Variants in INPP4B observed in about 807,000 individuals in gnomAD.
The protein encoded by INPP4B is inositol polyphosphate-4-phosphatase type II B, also known as inositol polyphosphate 4-phosphatase type II.
Under a neutral mutation model 122.5 loss-of-function variants are expected in INPP4B, and 55 were observed. The ratio of observed to expected loss-of-function variants is 0.45; its 90% CI spans 0.36 to 0.56. The LOEUF (loss-of-function observed/expected upper bound fraction) is 0.56. Among genes scored for constraint, INPP4B ranks in the 20% least tolerant of loss-of-function variants. INPP4B has a pLI of 0.00. For synonymous variants in INPP4B, 403 were observed against 388.7 expected, an observed-to-expected ratio of 1.04 and a Z score of -0.43; for missense variants, 1,000 against 1,097.7, an observed-to-expected ratio of 0.91 and a Z score of 1.26.
intron 11 of INPP4B, among the ~76,000 whole-genome samples, chr4:142,249,282 C>G (rs1272702216): frequency 6.6e-6 from 1 of 152,018 alleles, no homozygotes; most frequent in Non-Finnish European, 1.5e-5. Context: ...GAAACTTTCT[C>G]ACAGGGTCTA....
At chr4:142,351,609 A>G (rs1308762755) in intron 7 of INPP4B, among the ~76,000 whole-genome samples, 1 of 151,990 alleles carries the variant, frequency 6.6e-6, no homozygotes, top group African/African-American at 2.4e-5. Flanking sequence ...CACCTTTTCC[A>G]TAGAAACTAC....
At chr4:142,374,042 G>A (rs968356265) in intron 7 of INPP4B, among the ~76,000 whole-genome samples, 1 of 151,934 alleles carries the variant, frequency 6.6e-6, no homozygotes, top group Non-Finnish European at 1.5e-5. Context: ...GAGAAAAGGA[G>A]TGTGAATGAA....
chr4:142,665,732 TAATA>T (rs1170225963), intron 2 of INPP4B, among the ~76,000 whole-genome samples: 1 of 152,050 alleles, frequency 6.6e-6, no homozygotes, highest in Non-Finnish European at 1.5e-5. Flanking sequence ...CAGATTTTAT[TAATA>T]AAAAAGCACC....
intron 7 of INPP4B, among the ~76,000 whole-genome samples, chr4:142,343,190 T>C (rs1291158012): frequency 6.6e-6 from 1 of 152,138 alleles, no homozygotes; most frequent in Non-Finnish European, 1.5e-5. Context: ...TTAGAAGACA[T>C]TTGAATATTA....
intron 11 of INPP4B, among the ~76,000 whole-genome samples, chr4:142,245,606 G>A (rs1056137665): frequency 7.2e-5 from 11 of 151,992 alleles, no homozygotes; most frequent in Admixed American, 2.0e-4. Flanking sequence ...CTCATAAAAT[G>A]AGTTATGGAG....
intron 7 of INPP4B, among the ~76,000 whole-genome samples, chr4:142,390,978 A>G (rs1430902577): frequency 1.3e-5 from 2 of 152,208 alleles, no homozygotes; most frequent in South Asian, 2.1e-4. Flanking sequence ...TTAAATTCAT[A>G]TCATTTGGAC....
chr4:142,534,257 T>TG (rs1280504181), intron 2 of INPP4B, among the ~76,000 whole-genome samples: 1 of 152,068 alleles, frequency 6.6e-6, no homozygotes, highest in Non-Finnish European at 1.5e-5. Flanking sequence ...TGTGCTATGG[T>TG]GGTGTTATGG....
chr4:142,708,915 T>C (rs758931669), intron 2 of INPP4B, among the ~76,000 whole-genome samples: 1 of 152,090 alleles, frequency 6.6e-6, no homozygotes, highest in Non-Finnish European at 1.5e-5. Context: ...AGCCACTCAA[T>C]ACCAGCCTGT....
chr4:142,102,383 T>C (rs1330662620), intron 23 of INPP4B, among the ~76,000 whole-genome samples: 2 of 151,720 alleles, frequency 1.3e-5, no homozygotes, highest in Non-Finnish European at 2.9e-5. Context: ...ATAATTATTC[T>C]AAAAGAATTT....
chr4:142,618,854 A>T (rs1322933517), intron 2 of INPP4B, among the ~76,000 whole-genome samples: 1 of 151,944 alleles, frequency 6.6e-6, no homozygotes, highest in African/African-American at 2.4e-5. Context: ...TATCTAAAAT[A>T]GATCCTTCAA....
rs535085132 is a variant in INPP4B, at chr4:142,035,300, T to A, written c.2643-6386A>T. Among the ~76,000 whole-genome samples the A allele has an allele frequency of 3.3e-5, 5 of 152,282 alleles. No homozygotes were observed. The South Asian group carries it at 1.0e-3, about 32-fold the overall frequency. On this transcript the variant is annotated intron_variant, in intron 25 of 25. Transcript: ENST00000262992. ...TCTTGGAAAGTGAGGTTAGGATGAA[T>A]GAGATCGTCCCAACGTAGGTGCACA...
At chr4:142,697,425 C>T (rs534734453) in intron 2 of INPP4B, among the ~76,000 whole-genome samples, 12 of 152,208 alleles carry the variant, frequency 7.9e-5, no homozygotes, top group South Asian at 2.1e-4. Flanking sequence ...AATACTCTAA[C>T]GAAATAGGTA....
chr4:142,519,531 A>C (rs1018585831), intron 2 of INPP4B, among the ~76,000 whole-genome samples: 1 of 152,156 alleles, frequency 6.6e-6, no homozygotes, highest in Non-Finnish European at 1.5e-5. Context: ...AATGAGTTAC[A>C]CAGTTAAGAG....
chr4:142,669,212 G>T (rs905028045), intron 2 of INPP4B, among the ~76,000 whole-genome samples: 1 of 152,076 alleles, frequency 6.6e-6, no homozygotes, highest in African/African-American at 2.4e-5. Context: ...TTGATTGGAA[G>T]AATTAACATT....
rs377519980 is a variant in INPP4B, at chr4:142,312,571, G to A, written c.423+2141C>T. On this transcript the variant is annotated intron_variant, in intron 8 of 25. Transcript: ENST00000262992. ...GGATCAGCAGAGAGATGGCTGAGCC[G>A]AAACAGGAAACCACACAATGGAACA... Among the ~76,000 whole-genome samples, 12 of 152,290 alleles carry A rather than the reference G, an allele frequency of 7.9e-5. No individual in the cohort carries two copies. In the South Asian group the frequency reaches 1.2e-3, roughly 16 times the overall value.
intron 17 of INPP4B, among the ~76,000 whole-genome samples, chr4:142,156,564 G>C (rs1344983072): frequency 1.3e-5 from 2 of 152,060 alleles, no homozygotes; most frequent in Admixed American, 1.3e-4. Context: ...TTGTTTACTA[G>C]CTTTTCAGGA....
intron 2 of INPP4B, among the ~76,000 whole-genome samples, chr4:142,682,878 T>C (rs1758833165): frequency 6.6e-6 from 1 of 151,930 alleles, no homozygotes; most frequent in Admixed American, 6.6e-5. Context: ...AAACGGTACT[T>C]TAGCTTTTGG....
Position 142,667,502 on chromosome 4 carries a change from C to T in INPP4B, c.-191+58337G>A, listed in dbSNP as rs367806797. On this transcript the variant is annotated intron_variant, in intron 2 of 25. Coordinates refer to ENST00000262992, the MANE Select transcript of INPP4B (RefSeq NM_001101669.3). ...GAATCCAGGTTATGGAGTCAAACTA[C>T]TGATATCTAGTCCTATCTTAGCTGC... Among the ~76,000 whole-genome samples the T allele has an allele frequency of 2.5e-4, 38 of 152,268 alleles. 1 individual carries two copies. Among genetic ancestry groups the T allele is most frequent in the African/African-American group, 8.9e-4 (37 of 41,544 alleles).
chr4:142,225,517 A>AAT lies in INPP4B; in HGVS notation c.836+12345_836+12346dup, dbSNP rs763332497. Among the ~76,000 whole-genome samples, 447 of 147,080 alleles carry AAT rather than the reference A, an allele frequency of 3.0e-3. 5 individuals carry two copies. The highest frequency in any genetic ancestry group is 0.016 in the South Asian group (74 of 4,688). On this transcript the variant is annotated intron_variant, in intron 12 of 25. Coordinates refer to ENST00000262992, the MANE Select transcript of INPP4B (RefSeq NM_001101669.3). ...TCTAGAGAACCCTAATATACACACA[A>AAT]ATATATATATATATGTATAAGTATA...
Sources: gnomAD v4.1 joint callset for allele counts (sites outside exome capture counted in the v4.1 genomes callset) on GRCh38, gnomAD v4.1.1 for gene constraint, MANE v1.5 for transcripts, NCBI Gene and HGNC (gene_info 2026-07-23, HGNC 2026-07-21) for gene names.